The following PLCB1 variants were observed in gnomAD, a reference collection of about 807,000 sequenced individuals.
The protein encoded by PLCB1 is phospholipase C beta 1, also known as 1-phosphatidylinositol 4,5-bisphosphate phosphodiesterase beta-1.
Under a neutral mutation model 161.8 loss-of-function variants are expected in PLCB1, and 46 were observed. The ratio of observed to expected loss-of-function variants is 0.28; its 90% CI spans 0.22 to 0.36. The LOEUF is 0.36. Among genes scored for constraint, PLCB1 ranks in the 10% least tolerant of loss-of-function variants. The pLI is 1.00. For missense variants in PLCB1, 1,016 were observed against 1,472.5 expected (o/e 0.69, Z 5.07); for synonymous variants, 517 against 503.7 (o/e 1.03, Z -0.35).
intron 2 of PLCB1, among the ~76,000 whole-genome samples, chr20:8,158,535 C>CAAAACA (rs2051586460): frequency 6.6e-6 from 1 of 152,108 alleles, no homozygotes; most frequent in Non-Finnish European, 1.5e-5. Context: ...CCTAATATTT[C>CAAAACA]AAAACAAATC....
chr20:8,510,792 A>G (rs1983853308), intron 3 of PLCB1, among the ~76,000 whole-genome samples: 1 of 152,212 alleles, frequency 6.6e-6, no homozygotes, highest in Non-Finnish European at 1.5e-5. Context: ...TTTAATTACT[A>G]CTTCTGAAAG....
intron 9 of PLCB1, among the ~76,000 whole-genome samples, chr20:8,663,077 G>A (rs1989725878): frequency 6.8e-6 from 1 of 146,638 alleles, no homozygotes; most frequent in Non-Finnish European, 1.5e-5. Flanking sequence ...TGTGGAAATT[G>A]AGTCTTATTT....
chr20:8,614,239 G>A (rs957325986), intron 3 of PLCB1, among the ~76,000 whole-genome samples: 3 of 152,030 alleles, frequency 2.0e-5, no homozygotes, highest in African/African-American at 4.8e-5. Flanking sequence ...CTCACATGCT[G>A]TAGGTACGAT....
chr20:8,784,234 G>A (rs6086596), intron 27 of PLCB1, among the ~76,000 whole-genome samples: 49,294 of 151,886 alleles, frequency 0.32, 8,534 homozygotes, highest in East Asian at 0.5. Flanking sequence ...TAAATGCCGT[G>A]TGGGCAGAAC....
intron 2 of PLCB1, among the ~76,000 whole-genome samples, chr20:8,369,693 C>T (rs891431699): frequency 6.6e-6 from 1 of 152,118 alleles, no homozygotes; most frequent in African/African-American, 2.4e-5. Context: ...GGGAGAATTT[C>T]CACAGGGTCA....
intron 1 of PLCB1, among the ~76,000 whole-genome samples, chr20:8,139,242 A>G (rs1568566798): frequency 6.6e-6 from 1 of 151,916 alleles, no homozygotes; most frequent in East Asian, 1.9e-4. Flanking sequence ...ACATGCCACC[A>G]TGCCCAGCTA....
At chr20:8,343,857 CA>C (rs906206035) in intron 2 of PLCB1, among the ~76,000 whole-genome samples, 1 of 152,134 alleles carries the variant, frequency 6.6e-6, no homozygotes, top group African/African-American at 2.4e-5. Context: ...GTGATGTGTG[CA>C]AACTTTTTAG....
intron 31 of PLCB1, among the ~76,000 whole-genome samples, chr20:8,848,186 A>G (rs1986756466): frequency 6.6e-6 from 1 of 152,216 alleles, no homozygotes; most frequent in South Asian, 2.1e-4. Flanking sequence ...TCTAGAGGGA[A>G]CACATTCAAA....
At chr20:8,540,205 A>G (rs569864769) in intron 3 of PLCB1, among the ~76,000 whole-genome samples, 1 of 152,264 alleles carries the variant, frequency 6.6e-6, no homozygotes, top group African/African-American at 2.4e-5. Flanking sequence ...ATTTATATTG[A>G]AGTTCTCATT....
intron 3 of PLCB1, among the ~76,000 whole-genome samples, chr20:8,397,753 A>T (rs1456192156): frequency 6.6e-6 from 1 of 152,164 alleles, no homozygotes; most frequent in Non-Finnish European, 1.5e-5. Flanking sequence ...GTTTTACTTA[A>T]TATAACGTCA....
chr20:8,794,710 G>C (rs1983932330), intron 31 of PLCB1, among the ~76,000 whole-genome samples: 1 of 151,910 alleles, frequency 6.6e-6, no homozygotes, highest in Non-Finnish European at 1.5e-5. Flanking sequence ...GTTTGCTCTG[G>C]GATATTACTA....
At chr20:8,365,627 A>G (rs1986683636) in intron 2 of PLCB1, among the ~76,000 whole-genome samples, 1 of 152,238 alleles carries the variant, frequency 6.6e-6, no homozygotes, top group Non-Finnish European at 1.5e-5. Context: ...ACTATTTGTT[A>G]AAATACTCTA....
At chr20:8,157,438 T>C (rs1008019245) in intron 2 of PLCB1, among the ~76,000 whole-genome samples, 1 of 152,232 alleles carries the variant, frequency 6.6e-6, no homozygotes, top group Non-Finnish European at 1.5e-5. Context: ...ATTAAACTTT[T>C]AGTGTTTTTG....
chr20:8,186,035 T>C lies in PLCB1; in HGVS notation c.177+35664T>C, dbSNP rs150690567. Among the ~76,000 whole-genome samples, 104 of 152,302 alleles carry C rather than the reference T, an allele frequency of 6.8e-4. 1 individual carries two copies. The highest frequency in any genetic ancestry group is 2.4e-3 in the African/African-American group (98 of 41,576). On this transcript the variant is annotated intron_variant, in intron 2 of 31. Coordinates refer to ENST00000338037, the MANE Select transcript of PLCB1 (RefSeq NM_015192.4). ...TATTCCAGTGTCCTCTGGAATGAGA[T>C]TGTGGCACTTTCAAAAAGTAGAGTT...
At chr20:8,844,903 G>C (rs1986635053) in intron 31 of PLCB1, among the ~76,000 whole-genome samples, 1 of 152,030 alleles carries the variant, frequency 6.6e-6, no homozygotes, top group South Asian at 2.1e-4. Flanking sequence ...GAGATCAGGA[G>C]ATTGAGACCA....
At chr20:8,779,282 A>G (rs1374189932) in intron 27 of PLCB1, among the ~76,000 whole-genome samples, 4 of 152,224 alleles carry the variant, frequency 2.6e-5, no homozygotes, top group South Asian at 2.1e-4. Flanking sequence ...GGAGACGAAA[A>G]TGAATAAAAC....
chr20:8,545,161 A>G (rs1371612947), intron 3 of PLCB1, among the ~76,000 whole-genome samples: 2 of 152,332 alleles, frequency 1.3e-5, no homozygotes, highest in South Asian at 4.1e-4. Flanking sequence ...GTCTCTCGGA[A>G]ACCTTCCTGA....
chr20:8,577,085 CAACA>C (rs1286578800), intron 3 of PLCB1, among the ~76,000 whole-genome samples: 2 of 151,852 alleles, frequency 1.3e-5, no homozygotes, highest in East Asian at 3.9e-4. Flanking sequence ...AATAAAAAAC[CAACA>C]ATCAAGTCAT....
At chr20:8,830,721 A>C (rs1161394101) in intron 31 of PLCB1, among the ~76,000 whole-genome samples, 1 of 152,114 alleles carries the variant, frequency 6.6e-6, no homozygotes, top group Non-Finnish European at 1.5e-5. Context: ...ACTGAATATG[A>C]GTCTCCATGT....
Sources: allele counts gnomAD v4.1 joint callset (sites outside exome capture counted in the v4.1 genomes callset), GRCh38; gene constraint gnomAD v4.1.1; transcripts MANE v1.5; gene names NCBI Gene and HGNC (gene_info 2026-07-23, HGNC 2026-07-21).